Variants in COLQ observed in about 807,000 individuals in gnomAD.
COLQ encodes the protein acetylcholinesterase collagenic tail peptide.
COLQ carries 48 observed loss-of-function variants against 69.0 expected under a neutral mutation model. That is an observed-to-expected ratio of 0.70 (90% CI 0.55 to 0.88). The LOEUF (loss-of-function observed/expected upper bound fraction) is 0.88, where lower values mean the gene tolerates loss of function less well. Among genes scored for constraint, COLQ ranks in the 40% least tolerant of loss-of-function variants. The pLI, the probability that COLQ is intolerant of heterozygous loss-of-function variation, is 0.00. For synonymous variants in COLQ, 217 were observed against 211.2 expected, an observed-to-expected ratio of 1.03 and a Z score of -0.24; for missense variants, 618 against 594.6, an observed-to-expected ratio of 1.04 and a Z score of -0.41.
At chr3:15,464,705 A>G (rs1191432619) in intron 12 of COLQ, among the ~76,000 whole-genome samples, 1 of 152,236 alleles carries the variant, frequency 6.6e-6, no homozygotes, top group Non-Finnish European at 1.5e-5. Context: ...TTAAGAAAAA[A>G]GTTGGAATAA....
In COLQ at chr3:15,473,023, C is replaced by T. The variant is rs559134369; in HGVS notation, c.636+977G>A. On this transcript the variant is annotated intron_variant, in intron 10 of 16. Coordinates refer to ENST00000383788, the MANE Select transcript of COLQ (RefSeq NM_005677.4). This position sits in a 1 kb window ranked among gnomAD's most constrained non-coding sequence, Gnocchi z 4.0. Reference sequence around the variant, plus strand: ...TATAGGCATGTGCCACCATGACCTGCTAATTTTTTTTTTTTTAGAGATGAG... The same window carrying T: ...TATAGGCATGTGCCACCATGACCTGTTAATTTTTTTTTTTTTAGAGATGAG... Among the ~76,000 whole-genome samples the T allele has an allele frequency of 6.6e-6, 1 of 151,234 alleles. No homozygotes were observed. The highest frequency in any genetic ancestry group is 2.1e-4 in the South Asian group (1 of 4,804).
chr3:15,463,957 T>C (rs1198556068), intron 12 of COLQ, among the ~76,000 whole-genome samples: 1 of 152,216 alleles, frequency 6.6e-6, no homozygotes. Flanking sequence ...TACTAATCAG[T>C]GTTTGTTCTC....
chr3:15,494,205 G>A (rs2062712034), intron 1 of COLQ, among the ~76,000 whole-genome samples: 2 of 152,210 alleles, frequency 1.3e-5, no homozygotes, highest in Non-Finnish European at 2.9e-5. Flanking sequence ...CACGGCAGGT[G>A]CAGGGTAAAG....
chr3:15,498,840 G>A, intron 1 of COLQ: 4 of 1,421,322 alleles, frequency 2.8e-6, no homozygotes, highest in Non-Finnish European at 2.8e-6. Context: ...GAGGCTTGGA[G>A]GACAAGAGTG....
chr3:15,508,556 A>G (rs1432087615), intron 1 of COLQ, among the ~76,000 whole-genome samples: 2 of 152,170 alleles, frequency 1.3e-5, no homozygotes, highest in Non-Finnish European at 2.9e-5. Context: ...CTCAAATGCT[A>G]TGTATATTAA....
At chr3:15,490,147 A>G (rs184281474) in intron 1 of COLQ, among the ~76,000 whole-genome samples, 1 of 152,304 alleles carries the variant, frequency 6.6e-6, no homozygotes, top group Non-Finnish European at 1.5e-5. Context: ...CGTGTCACTC[A>G]TTTCACTGGA....
At chr3:15,465,776 T>G (rs112689126) in intron 12 of COLQ, among the ~76,000 whole-genome samples, 2,790 of 151,900 alleles carry the variant, frequency 0.018, 76 homozygotes, top group African/African-American at 0.063. Context: ...TATTTTTGTA[T>G]TTTAGCAAAA....
chr3:15,511,659 G>A (rs913051955), intron 1 of COLQ, among the ~76,000 whole-genome samples: 9 of 152,170 alleles, frequency 5.9e-5, no homozygotes, highest in Non-Finnish European at 1.3e-4. Context: ...CAGCTCTCGA[G>A]AAGATCGACA....
chr3:15,503,501 C>G (rs762179556), intron 1 of COLQ, among the ~76,000 whole-genome samples: 3 of 152,144 alleles, frequency 2.0e-5, no homozygotes, highest in African/African-American at 7.2e-5. Context: ...GGGACATGGA[C>G]TGTTAGGTGA....
chr3:15,456,469 G>A lies in COLQ; in HGVS notation c.1065C>T (p.Leu355=), dbSNP rs1452550207. 1 of 1,614,134 alleles carries A rather than the reference G, an allele frequency of 6.2e-7. No homozygotes were observed. Among genetic ancestry groups the A allele is most frequent in the South Asian group, 1.1e-5 (1 of 91,080 alleles). Residue 355 remains leucine, a synonymous_variant, in exon 14 of 17, where the codon CTC becomes CTT. Transcript: ENST00000383788. ...SLYFKDSLGW[L]PIQLTPFYPV... is the part of the protein sequence containing the mutation. Reference sequence around the variant, plus strand: ...AATGGCCTGGGGGTACCTGGATGGGGAGCCAGCCAAGGCTGTCCTTGAAGT... The same window carrying A: ...AATGGCCTGGGGGTACCTGGATGGGAAGCCAGCCAAGGCTGTCCTTGAAGT...
At chr3:15,476,259 T>C (rs534027692) in intron 6 of COLQ, among the ~76,000 whole-genome samples, 1 of 152,342 alleles carries the variant, frequency 6.6e-6, no homozygotes, top group East Asian at 1.9e-4. Context: ...AAAAGCAGAT[T>C]CATGCATTCA....
chr3:15,473,261 C>A lies in COLQ; in HGVS notation c.636+739G>T, dbSNP rs1322616249. 6.6e-6 allele frequency among the ~76,000 whole-genome samples: 1 copy of A among 152,176 alleles called. No homozygotes were observed. Among genetic ancestry groups the A allele is most frequent in the Non-Finnish European group, 1.5e-5 (1 of 68,024 alleles). On this transcript the variant is annotated intron_variant, in intron 10 of 16. Coordinates refer to ENST00000383788, the MANE Select transcript of COLQ (RefSeq NM_005677.4). This position sits in a 1 kb window ranked among gnomAD's most constrained non-coding sequence, Gnocchi z 4.0. ...TTGACTCCTGGGCTCAGGCCACCCT[C>A]CCGCCTCACCTTCCTAAGTATCTGG...
intron 16 of COLQ, among the ~76,000 whole-genome samples, chr3:15,453,503 C>T (rs2061978616): frequency 6.6e-6 from 1 of 152,188 alleles, no homozygotes. Flanking sequence ...GCCCAGGAGA[C>T]TATGTAGTCA....
intron 16 of COLQ, among the ~76,000 whole-genome samples, chr3:15,453,344 A>T (rs571527278): frequency 6.6e-6 from 1 of 152,310 alleles, no homozygotes; most frequent in South Asian, 2.1e-4. Context: ...AAAATTAGAT[A>T]TTAAGGCTGA....
chr3:15,498,536 G>A lies in COLQ; in HGVS notation c.107-8899C>T, dbSNP rs1371401134. The A allele has an allele frequency of 3.9e-6, 6 of 1,551,758 alleles. No individual in the cohort carries two copies. The East Asian group carries it at 1.2e-4, about 32-fold the overall frequency. ...CCCAAGCAGCCTGCCGAGTAACAGA[G>A]CAGTCCTGAAATGATGAGCAGATGA... On this transcript the variant is annotated intron_variant, in intron 1 of 16. Coordinates refer to ENST00000383788, the MANE Select transcript of COLQ (RefSeq NM_005677.4).
In COLQ at chr3:15,474,836, G is replaced by C. The variant is rs569532212; in HGVS notation, c.555+89C>G. On this transcript the variant is annotated intron_variant, in intron 8 of 16. Coordinates refer to ENST00000383788, the MANE Select transcript of COLQ (RefSeq NM_005677.4). Reference sequence around the variant, plus strand: ...GGTGGCTTCAGTTGCAGACTAAAGAGAGACCTGGACCCATTCTCTGCATGT... The same window carrying C: ...GGTGGCTTCAGTTGCAGACTAAAGACAGACCTGGACCCATTCTCTGCATGT... The C allele has an allele frequency of 9.6e-6, 14 of 1,465,420 alleles. No homozygotes were observed. In the Admixed American group the frequency reaches 1.3e-4, roughly 14 times the overall value. 90.8% of individuals were successfully genotyped at this position (1,465,420 alleles called of 1,614,324 possible).
intron 1 of COLQ, chr3:15,498,528 G>A (rs561547071): frequency 2.6e-6 from 4 of 1,551,792 alleles, no homozygotes; most frequent in Non-Finnish European, 3.5e-6. Context: ...AGCCTGCCGA[G>A]TAACAGAGCA....
At chr3:15,451,825 C>G in intron 16 of COLQ, 112 bp from the exon 17 acceptor site, 2 of 931,864 alleles carry the variant, frequency 2.1e-6, no homozygotes, top group Admixed American at 1.9e-5. Context: ...GAACTTTTTC[C>G]CATTCTCATT....
intron 1 of COLQ, among the ~76,000 whole-genome samples, chr3:15,502,850 C>T (rs2062851054): frequency 6.6e-6 from 1 of 152,206 alleles, no homozygotes; most frequent in South Asian, 2.1e-4. Flanking sequence ...TACTTGCAGA[C>T]TCGTTTGGCA....
Sources: allele counts gnomAD v4.1 joint callset (sites outside exome capture counted in the v4.1 genomes callset), GRCh38; gene constraint gnomAD v4.1.1; non-coding constraint Gnocchi (gnomAD v3.1); transcripts MANE v1.5; gene names NCBI Gene and HGNC (gene_info 2026-07-23, HGNC 2026-07-21).